GGT1: variants seen among roughly 807,000 people sequenced by gnomAD.
The protein encoded by GGT1 is glutathione hydrolase 1 proenzyme.
GGT1 carries 21 observed loss-of-function variants against 56.0 expected under a neutral mutation model. The ratio of observed to expected loss-of-function variants is 0.38; its 90% CI spans 0.27 to 0.54. GGT1 has a LOEUF of 0.54. Ranked by LOEUF, GGT1 falls within the 20% of genes least tolerant of loss-of-function variation. GGT1 has a pLI of 0.82. For missense variants in GGT1, 466 were observed against 787.0 expected (o/e 0.59, Z 4.88); for synonymous variants, 238 against 342.6 (o/e 0.69, Z 3.37).
At chr22:24,616,009 G>C (rs944185643) in intron 7 of GGT1, 1 of 152,188 alleles carries the variant, frequency 6.6e-6, no homozygotes, top group African/African-American at 2.4e-5. Context: ...AGCTACTTGG[G>C]AGGCTAAGGT....
the GGT1 span, among the ~76,000 whole-genome samples, chr22:24,587,520 G>A: frequency 6.6e-6 from 1 of 152,236 alleles, no homozygotes; most frequent in East Asian, 1.9e-4. Context: ...AGGTGGGACA[G>A]GGGTGGAGGG....
chr22:24,611,248 G>A lies in GGT1; in HGVS notation c.164+3G>A, dbSNP rs1229153889. On this transcript the variant is annotated splice_donor_region_variant and intron_variant, in intron 5 of 15. Coordinates refer to ENST00000400382, the MANE Select transcript of GGT1 (RefSeq NM_001288833.2). ...AAGCAGTGCTCGAAGATTGGGAGGT[G>A]AGCAGGGCAGGGCATGGGACATGGG... is the stretch of plus-strand genomic sequence containing the variant. The A allele has an allele frequency of 6.5e-7, 1 of 1,537,990 alleles. No individual in the cohort carries two copies. Among genetic ancestry groups the A allele is most frequent in the East Asian group, 2.4e-5 (1 of 41,488 alleles).
At position 24,621,028 on chromosome 22, in the gene GGT1, G is replaced by A. The variant is rs1023651609; in HGVS notation, c.691G>A (p.Gly231Ser). Residue 231 changes from glycine (G) to serine (S), a missense_variant, in exon 9 of 16, where the codon GGC becomes AGC. By Grantham distance (56) the Gly-to-Ser change is moderately conservative. This residue lies in a region of GGT1 where 456 missense variants were observed against 716.7 expected (regional missense o/e 0.64). Transcript: ENST00000400382. ...AIEGAQAFYNGSLTAQIVKDI... is the reference protein window; with the variant it reads ...AIEGAQAFYNSSLTAQIVKDI... ...CGAGGGTGCCCAGGCCTTCTACAAC[G>A]GCAGCCTCACGGCCCAGATTGTGAA... is the stretch of plus-strand genomic sequence containing the variant. 13 of 1,606,148 alleles carry A rather than the reference G, an allele frequency of 8.1e-6. No individual in the cohort carries two copies. The highest frequency in any genetic ancestry group is 2.7e-5 in the African/African-American group (2 of 74,738).
chr22:24,586,055 A>G, the GGT1 span: 1 of 1,611,930 alleles, frequency 6.2e-7, no homozygotes, highest in Non-Finnish European at 8.5e-7. Context: ...CAGGCCGACC[A>G]GCAGGGGCTG....
At chr22:24,592,913 G>A (rs1420068432), upstream of GGT1, 2 of 1,278,536 alleles carry the variant, frequency 1.6e-6, no homozygotes, top group East Asian at 3.2e-5. Flanking sequence ...CGCCGCTCGC[G>A]GAGCGTGGAC....
At chr22:24,616,554 C>CTTTTTTTTTTT (rs113675142) in intron 7 of GGT1, among the ~76,000 whole-genome samples, 1 of 131,990 alleles carries the variant, frequency 7.6e-6, no homozygotes, top group Non-Finnish European at 1.6e-5. Context: ...TTTTTTTTTT[C>CTTTTTTTTTTT]TTTTTTTTTT....
chr22:24,611,033 C>G (rs1292368363), intron 4 of GGT1, 42 bp from the exon 5 acceptor site: 2 of 1,567,108 alleles, frequency 1.3e-6, no homozygotes, highest in Non-Finnish European at 1.7e-6. Context: ...CAGGGAATGT[C>G]TGAGGCTAGG....
intron 1 of GGT1, among the ~76,000 whole-genome samples, chr22:24,596,818 C>G (rs924355248): frequency 7.0e-6 from 1 of 142,346 alleles, no homozygotes; most frequent in Non-Finnish European, 1.5e-5. Flanking sequence ...GAGGCTGAGA[C>G]AGGGGAATCG....
chr22:24,590,010 C>T (rs2045521358), upstream of GGT1: 6 of 1,481,856 alleles, frequency 4.0e-6, no homozygotes, highest in East Asian at 2.6e-5. Context: ...GAGGCACCAC[C>T]CCAGCCAGCC....
At chr22:24,609,524 T>C (rs1302130048) in intron 2 of GGT1, 7 of 158,366 alleles carry the variant, frequency 4.4e-5, no homozygotes. Flanking sequence ...TCCCTGTGTG[T>C]GGGGAGGGCA....
chr22:24,589,698 A>G, the GGT1 span: 1 of 1,135,882 alleles, frequency 8.8e-7, no homozygotes, highest in South Asian at 1.7e-5. Flanking sequence ...AGGGACAGTG[A>G]CTTGCCTAAG....
Position 24,628,485 on chromosome 22 carries a change from T to G in GGT1, c.1563+97T>G. 1 of 1,508,156 alleles carries G rather than the reference T, an allele frequency of 6.6e-7. No homozygotes were observed. The allele number at this position is 1,508,156 out of a possible 1,614,324, so 93.4% of individuals were successfully genotyped here. ...ATCACAGAGTGGACAATGGTTGGTG[T>G]CCTCTCTCTAGTGCCTGGGCCATCT... On this transcript the variant is annotated intron_variant, in intron 15 of 15. Transcript: ENST00000400382. The surrounding 1 kb of genome is among the most constrained non-coding windows in gnomAD (Gnocchi z 5.7).
chr22:24,607,236 A>G (rs9612667), intron 1 of GGT1, among the ~76,000 whole-genome samples: 3,670 of 151,834 alleles, frequency 0.024, 55 homozygotes, highest in Middle Eastern at 0.054. Context: ...GCCCCAGGCC[A>G]TGTTCCCGGA....
chr22:24,587,621 G>A, the GGT1 span, among the ~76,000 whole-genome samples: 2 of 152,186 alleles, frequency 1.3e-5, no homozygotes, highest in Non-Finnish European at 2.9e-5. Context: ...CTGAGCCTGT[G>A]TGTGAGGCTC....
upstream of GGT1, chr22:24,593,117 C>G: frequency 9.7e-7 from 1 of 1,026,154 alleles, no homozygotes; most frequent in South Asian, 4.6e-5. Context: ...CCCTAGTCGC[C>G]CCGCCTCCAA....
At chr22:24,603,697 G>A (rs1331509906) in intron 1 of GGT1, among the ~76,000 whole-genome samples, 170 bp downstream of exon 1, 1 of 151,856 alleles carries the variant, frequency 6.6e-6, no homozygotes, top group Non-Finnish European at 1.5e-5. Flanking sequence ...TGGCTTCTTG[G>A]AATTAAGAGG....
chr22:24,596,922 A>G (rs1233670800), intron 1 of GGT1, among the ~76,000 whole-genome samples: 1 of 150,392 alleles, frequency 6.6e-6, no homozygotes, highest in African/African-American at 2.4e-5. Flanking sequence ...CTCAAAAAAA[A>G]AAAAAAAAAA....
upstream of GGT1, chr22:24,593,180 C>G: frequency 1.1e-6 from 1 of 880,054 alleles, no homozygotes; most frequent in Non-Finnish European, 1.4e-6. Context: ...CGCCCCACCC[C>G]GCGCCGGAGC....
upstream of GGT1, among the ~76,000 whole-genome samples, chr22:24,593,953 C>T (rs2154611): frequency 0.41 from 62,592 of 152,066 alleles, 15,362 homozygotes; most frequent in African/African-American, 0.69. Flanking sequence ...ATAAACCGGA[C>T]GAAGAGTCAG....
Sources: allele counts gnomAD v4.1 joint callset (sites outside exome capture counted in the v4.1 genomes callset), GRCh38; gene constraint gnomAD v4.1.1; regional missense constraint gnomAD v4.1.1; non-coding constraint Gnocchi (gnomAD v3.1); transcripts MANE v1.5; gene names NCBI Gene and HGNC (gene_info 2026-07-23, HGNC 2026-07-21).